The following SLC44A5 variants were observed in gnomAD, a reference collection of about 807,000 sequenced individuals.
SLC44A5 encodes the protein solute carrier family 44 member 5.
SLC44A5 carries 57 observed loss-of-function variants against 101.8 expected under a neutral mutation model. The ratio of observed to expected loss-of-function variants is 0.56; its 90% CI spans 0.45 to 0.70. The LOEUF (loss-of-function observed/expected upper bound fraction) is 0.70, where lower values mean the gene tolerates loss of function less well. Ranked by LOEUF, SLC44A5 falls within the 30% of genes least tolerant of loss-of-function variation. SLC44A5 has a pLI of 0.00. For missense variants in SLC44A5, 737 were observed against 853.1 expected (o/e 0.86, Z 1.70); for synonymous variants, 281 against 290.9 (o/e 0.97, Z 0.35).
chr1:75,644,399 G>A, the SLC44A5 span, among the ~76,000 whole-genome samples: 2 of 151,898 alleles, frequency 1.3e-5, no homozygotes, highest in Non-Finnish European at 2.9e-5. Flanking sequence ...TGGCCTATAA[G>A]TATAGTTTCA....
intron 3 of SLC44A5, among the ~76,000 whole-genome samples, chr1:75,340,199 TG>T (rs1436539091): frequency 3.3e-5 from 5 of 152,246 alleles, no homozygotes; most frequent in Non-Finnish European, 7.3e-5. Flanking sequence ...TCATGCCATC[TG>T]GGAAGGTGCC....
chr1:75,263,953 G>C (rs1410786042), intron 6 of SLC44A5, among the ~76,000 whole-genome samples: 2 of 151,952 alleles, frequency 1.3e-5, no homozygotes, highest in African/African-American at 4.8e-5. Context: ...ACACAGGGAG[G>C]GGAACATCAC....
chr1:75,607,722 G>T (rs567156784), intron 1 of SLC44A5, among the ~76,000 whole-genome samples: 1 of 151,904 alleles, frequency 6.6e-6, no homozygotes, highest in East Asian at 1.9e-4. Flanking sequence ...TTTTATAAAG[G>T]GGAGTTCCCC....
chr1:75,718,093 T>A, the SLC44A5 span, among the ~76,000 whole-genome samples: 1 of 152,196 alleles, frequency 6.6e-6, no homozygotes, highest in African/African-American at 2.4e-5. Flanking sequence ...AAAAAGTTTG[T>A]AAATAAACTT....
At chr1:75,414,148 T>C (rs1663465185) in intron 2 of SLC44A5, among the ~76,000 whole-genome samples, 1 of 152,144 alleles carries the variant, frequency 6.6e-6, no homozygotes, top group Non-Finnish European at 1.5e-5. Flanking sequence ...CATCCTGTGC[T>C]CAAAATGTCC....
intron 2 of SLC44A5, among the ~76,000 whole-genome samples, chr1:75,470,591 G>C (rs1385354378): frequency 1.3e-5 from 2 of 152,152 alleles, no homozygotes; most frequent in African/African-American, 2.4e-5. Context: ...AGACGTGAGG[G>C]GGAGGGAATG....
the SLC44A5 span, among the ~76,000 whole-genome samples, chr1:75,673,000 G>A: frequency 6.6e-6 from 1 of 152,144 alleles, no homozygotes; most frequent in African/African-American, 2.4e-5. Flanking sequence ...AGCTCTGCCG[G>A]CTTCAGGTAT....
chr1:75,298,604 A>C (rs1272567004), intron 5 of SLC44A5, among the ~76,000 whole-genome samples: 2 of 152,086 alleles, frequency 1.3e-5, no homozygotes, highest in Non-Finnish European at 2.9e-5. Flanking sequence ...TGTGGACTAC[A>C]TTAGACTGGC....
chr1:75,409,366 T>C (rs529960851), intron 2 of SLC44A5, among the ~76,000 whole-genome samples: 2 of 152,232 alleles, frequency 1.3e-5, no homozygotes, highest in East Asian at 1.9e-4. Flanking sequence ...AAGCCCAGAA[T>C]TAGTCAATAT....
At chr1:75,312,914 G>T (rs1402348134) in intron 4 of SLC44A5, among the ~76,000 whole-genome samples, 1 of 152,122 alleles carries the variant, frequency 6.6e-6, no homozygotes, top group Non-Finnish European at 1.5e-5. Flanking sequence ...GTTGATATGA[G>T]AGCTGTTATT....
intron 5 of SLC44A5, among the ~76,000 whole-genome samples, chr1:75,298,758 T>C (rs893762473): frequency 6.6e-6 from 1 of 152,184 alleles, no homozygotes; most frequent in Non-Finnish European, 1.5e-5. Flanking sequence ...ATGGAAATAA[T>C]ATTGTAAATT....
At chr1:75,288,884 T>A (rs1264558438) in intron 5 of SLC44A5, among the ~76,000 whole-genome samples, 1 of 152,230 alleles carries the variant, frequency 6.6e-6, no homozygotes, top group East Asian at 1.9e-4. Context: ...TGCCACAATT[T>A]AGGCTACAGG....
At chr1:75,312,513 G>T (rs926283866) in intron 4 of SLC44A5, among the ~76,000 whole-genome samples, 5 of 136,106 alleles carry the variant, frequency 3.7e-5, no homozygotes, top group Non-Finnish European at 7.4e-5. Flanking sequence ...GGGCGGGGAT[G>T]GGGGGTGTTA....
intron 1 of SLC44A5, among the ~76,000 whole-genome samples, chr1:75,569,030 G>T (rs1292702379): frequency 2.0e-5 from 3 of 152,054 alleles, no homozygotes; most frequent in Admixed American, 1.3e-4. Flanking sequence ...GGCTTCTCCT[G>T]AGTGAACCAT....
chr1:75,234,003 A>G lies in SLC44A5; in HGVS notation c.836T>C (p.Ile279Thr), dbSNP rs1050517609. 2.5e-6 allele frequency: 4 copies of G among 1,612,150 alleles called. No individual in the cohort carries two copies. The highest frequency in any genetic ancestry group is 3.4e-6 in the Non-Finnish European group (4 of 1,178,452). The change falls in exon 12 of 24, where the codon ATT becomes ACT. Residue 279 changes from isoleucine to threonine, a missense_variant. Ile to Thr is a moderately conservative substitution (Grantham distance 89, BLOSUM62 -1). Coordinates refer to ENST00000370859, the MANE Select transcript of SLC44A5 (RefSeq NM_001130058.2). The stretch of plus-strand genomic sequence containing the variant: ...ATACCTACCATAACCTATAATTCCA[A>G]TCACACCAATCATGAAGACCCAGAA... ...CLFWVFMIGV[I>T]GIIGYGIWHC... is the part of the protein sequence containing the mutation.
intron 2 of SLC44A5, among the ~76,000 whole-genome samples, chr1:75,521,128 GA>G (rs1670097066): frequency 6.6e-6 from 1 of 152,018 alleles, no homozygotes; most frequent in Non-Finnish European, 1.5e-5. Context: ...ACACAAAAGT[GA>G]AAAACAAAAA....
chr1:75,230,087 C>G (rs1438658111), intron 12 of SLC44A5, among the ~76,000 whole-genome samples: 1 of 152,128 alleles, frequency 6.6e-6, no homozygotes, highest in Admixed American at 6.5e-5. Context: ...CATTAATTCT[C>G]TATTTTGCTG....
chr1:75,653,637 TA>T, the SLC44A5 span, among the ~76,000 whole-genome samples: 61 of 152,280 alleles, frequency 4.0e-4, no homozygotes, highest in East Asian at 9.8e-3. Flanking sequence ...ATTTAACCAC[TA>T]TTTAGCATCT....
At chr1:75,674,542 G>A in the SLC44A5 span, among the ~76,000 whole-genome samples, 1 of 152,058 alleles carries the variant, frequency 6.6e-6, no homozygotes, top group African/African-American at 2.4e-5. Flanking sequence ...ACCATGCCCA[G>A]CTAATTTTTG....
Sources: allele counts gnomAD v4.1 joint callset (sites outside exome capture counted in the v4.1 genomes callset), GRCh38; gene constraint gnomAD v4.1.1; transcripts MANE v1.5; gene names NCBI Gene and HGNC (gene_info 2026-07-23, HGNC 2026-07-21).